Variants in KCTD2 observed in about 807,000 individuals in gnomAD.
KCTD2 encodes potassium channel tetramerization domain containing 2.
Under a neutral mutation model 27.9 loss-of-function variants are expected in KCTD2, and 18 were observed. The ratio of observed to expected loss-of-function variants is 0.64; its 90% CI spans 0.45 to 0.96. KCTD2 has a LOEUF of 0.96. Among genes scored for constraint, KCTD2 ranks in the 40% least tolerant of loss-of-function variants. KCTD2 has a pLI of 0.00. For missense variants in KCTD2, 280 were observed against 348.0 expected (o/e 0.80, Z 1.56); for synonymous variants, 175 against 148.4 (o/e 1.18, Z -1.30).
chr17:75,048,839 A>G (rs1022862474), intron 1 of KCTD2: 5 of 158,710 alleles, frequency 3.2e-5, no homozygotes. Context: ...TGTCCATCTC[A>G]AGCAAAGATT....
Position 75,047,370 on chromosome 17 carries a change from G to T in KCTD2, c.120G>T (p.Thr40=), listed in dbSNP as rs2073234805. The T allele has an allele frequency of 6.2e-6, 7 of 1,127,722 alleles. No homozygotes were observed. In the South Asian group the frequency reaches 3.0e-4, roughly 48 times the overall value. The allele number at this position is 1,127,722 out of a possible 1,614,324, so 69.9% of individuals were successfully genotyped here. Residue 40 remains threonine (T), a synonymous_variant, in exon 1 of 6, where the codon ACG becomes ACT. Coordinates refer to ENST00000322444, the MANE Select transcript of KCTD2 (RefSeq NM_015353.3). ...GPPSPRPAGP[T]PRGHGRPAAA... Reference sequence around the variant, plus strand: ...CCAGCCCACGCCCGGCTGGCCCCACGCCCCGCGGGCACGGCCGCCCGGCTG... The same window carrying T: ...CCAGCCCACGCCCGGCTGGCCCCACTCCCCGCGGGCACGGCCGCCCGGCTG...
In KCTD2 at chr17:75,039,851, C is replaced by A. The variant is rs559243791; in HGVS notation, c.-259+4494C>A. On this transcript the variant is annotated intron_variant, in intron 3 of 7. Transcript: ENST00000581589. ...TCCCCAGGCAGCCACTGTAGACAAA[C>A]TACATTTTCTAGAGTCTTACAAAGA... The A allele has an allele frequency of 3.6e-5, 19 of 521,548 alleles. No homozygotes were observed. The East Asian group carries it at 4.6e-4, about 13-fold the overall frequency. The allele number at this position is 521,548 out of a possible 1,614,324, so 32.3% of individuals were successfully genotyped here.
chr17:75,053,413 C>T (rs1183867330), intron 3 of KCTD2, among the ~76,000 whole-genome samples: 1 of 151,978 alleles, frequency 6.6e-6, no homozygotes, highest in Admixed American at 6.6e-5. Context: ...TCCTAAAGAC[C>T]ATAGAGGTCT....
intron 2 of KCTD2, among the ~76,000 whole-genome samples, chr17:75,052,735 A>G (rs192807871): frequency 1.3e-5 from 2 of 152,032 alleles, no homozygotes; most frequent in Admixed American, 6.6e-5. Context: ...GGCGGGGGGA[A>G]AAAATAGAAA....
chr17:75,046,319 C>A (rs915782167), upstream of KCTD2, among the ~76,000 whole-genome samples: 1 of 152,100 alleles, frequency 6.6e-6, no homozygotes, highest in African/African-American at 2.4e-5. Flanking sequence ...CCTGACCTCG[C>A]GATTCGCCCG....
chr17:75,038,551 T>C (rs1453625816), intron 3 of KCTD2, among the ~76,000 whole-genome samples: 1 of 152,216 alleles, frequency 6.6e-6, no homozygotes, highest in Non-Finnish European at 1.5e-5. Context: ...TGTGACTTAC[T>C]AATGGACAAG....
At position 75,047,292 on chromosome 17, in the gene KCTD2, A is replaced by G. The variant is rs1598119526; in HGVS notation, c.42A>G (p.Gly14=). 1 of 729,696 alleles carries G rather than the reference A, an allele frequency of 1.4e-6. No homozygotes were observed. Among genetic ancestry groups the G allele is most frequent in the South Asian group, 5.5e-5 (1 of 18,070 alleles). 45.2% of individuals were successfully genotyped at this position (729,696 alleles called of 1,614,324 possible). ...LQLDPAMAGL[G]GGGGSGVGDG... is the part of the protein sequence containing the mutation. Reference sequence around the variant, plus strand: ...TGGACCCGGCGATGGCGGGGCTGGGAGGGGGCGGCGGGAGTGGGGTGGGCG... The same window carrying G: ...TGGACCCGGCGATGGCGGGGCTGGGGGGGGGCGGCGGGAGTGGGGTGGGCG... Residue 14 remains glycine, a synonymous_variant, in exon 1 of 6, where the codon GGA becomes GGG. Transcript: ENST00000322444.
chr17:75,044,500 C>T (rs1300960560), upstream of KCTD2, among the ~76,000 whole-genome samples: 1 of 130,150 alleles, frequency 7.7e-6, no homozygotes, highest in Non-Finnish European at 1.5e-5. Flanking sequence ...CCACCGCGCC[C>T]GGCCCTAATT....
rs1317150003 is a variant in KCTD2, at chr17:75,064,379, C to T, written c.*1332C>T. ...AGATGGCACAGAGAAAGGGAAGGGG[C>T]TCTGGGGACTTCTCCTTCTATGAAA... On this transcript the variant is annotated 3_prime_UTR_variant, in exon 6 of 6. Coordinates refer to ENST00000322444, the MANE Select transcript of KCTD2 (RefSeq NM_015353.3). 1 of 152,280 alleles carries T rather than the reference C, an allele frequency of 6.6e-6. No individual in the cohort carries two copies. The highest frequency in any genetic ancestry group is 1.5e-5 in the Non-Finnish European group (1 of 68,074). The allele number at this position is 152,280 out of a possible 1,614,324, so 9.4% of individuals were successfully genotyped here.
At chr17:75,062,290 C>A (rs71380862) in intron 5 of KCTD2, 45 bp downstream of exon 5, 2 of 1,578,346 alleles carry the variant, frequency 1.3e-6, no homozygotes, top group East Asian at 2.3e-5. Flanking sequence ...CTTGCTTGTT[C>A]GCACCCCCTC....
At chr17:75,051,978 A>G (rs1000112682) in intron 2 of KCTD2, among the ~76,000 whole-genome samples, 1 of 152,086 alleles carries the variant, frequency 6.6e-6, no homozygotes, top group Non-Finnish European at 1.5e-5. Context: ...TTAGCATCCT[A>G]TTAAGTTTGG....
Position 75,059,545 on chromosome 17 carries a change from T to G in KCTD2, c.576T>G (p.Cys192Trp). The G allele has an allele frequency of 6.2e-7, 1 of 1,614,002 alleles. No homozygotes were observed. Among genetic ancestry groups the G allele is most frequent in the Non-Finnish European group, 8.5e-7 (1 of 1,179,958 alleles). Residue 192 changes from cysteine (C) to tryptophan (W), a missense_variant, in exon 4 of 6, where the codon TGT (cysteine) becomes TGG (tryptophan). By Grantham distance (215) the Cys-to-Trp change is radical. Coordinates refer to ENST00000322444, the MANE Select transcript of KCTD2 (RefSeq NM_015353.3). ...AGCACGTGTACAGAGTCCTGCAGTG[T>G]CAGGAAGAAGAGCTCACGCAGATGG... is the stretch of plus-strand genomic sequence containing the variant. Reference protein sequence around the residue: ...PVKHVYRVLQCQEEELTQMVS... With the variant: ...PVKHVYRVLQWQEEELTQMVS...
chr17:75,045,447 G>C (rs184387736), upstream of KCTD2, among the ~76,000 whole-genome samples: 394 of 152,338 alleles, frequency 2.6e-3, 1 homozygote, highest in Non-Finnish European at 2.1e-3. Context: ...ATCGCTATGG[G>C]AGACTGGAGT....
intron 3 of KCTD2, among the ~76,000 whole-genome samples, chr17:75,057,912 C>T (rs1358036160): frequency 2.0e-5 from 3 of 151,896 alleles, no homozygotes; most frequent in African/African-American, 4.8e-5. Context: ...ACAGCATTGT[C>T]GGCCGGACAC....
chr17:75,057,015 T>TG (rs2073357506), intron 3 of KCTD2, among the ~76,000 whole-genome samples: 1 of 146,124 alleles, frequency 6.8e-6, no homozygotes, highest in Non-Finnish European at 1.5e-5. Flanking sequence ...AGTGCAGTGA[T>TG]GCGATCTCAG....
intron 2 of KCTD2, among the ~76,000 whole-genome samples, chr17:75,050,397 G>T (rs1020839959): frequency 1.3e-5 from 2 of 152,084 alleles, no homozygotes; most frequent in Non-Finnish European, 2.9e-5. Flanking sequence ...AAGTAGCTGG[G>T]ATTACAGGCG....
chr17:75,039,685 T>G (rs946173242), intron 3 of KCTD2: 9 of 267,318 alleles, frequency 3.4e-5, no homozygotes, highest in Non-Finnish European at 5.7e-5. Context: ...TTGGGTAATT[T>G]TTCTAATTCC....
chr17:75,042,594 G>A (rs759950428), upstream of KCTD2: 2 of 1,613,068 alleles, frequency 1.2e-6, no homozygotes, highest in African/African-American at 1.3e-5. Flanking sequence ...TCTGGGGTAT[G>A]ATCTCTGCAA....
intron 2 of KCTD2, among the ~76,000 whole-genome samples, chr17:75,050,851 GTTTT>G (rs1300228224): frequency 6.6e-6 from 1 of 151,472 alleles, no homozygotes; most frequent in Admixed American, 6.6e-5. Context: ...TCTTTTTGTT[GTTTT>G]TTTAAGAGTC....
Sources: allele counts gnomAD v4.1 joint callset (sites outside exome capture counted in the v4.1 genomes callset), GRCh38; gene constraint gnomAD v4.1.1; transcripts MANE v1.5; gene names NCBI Gene and HGNC (gene_info 2026-07-23, HGNC 2026-07-21).